The following PRSS57 variants were observed in gnomAD, a reference collection of about 807,000 sequenced individuals.
PRSS57 encodes neutrophil serine protease 4.
A neutral mutation model predicts 20.6 loss-of-function variants in PRSS57; 19 were observed. The ratio of observed to expected loss-of-function variants is 0.92; its 90% CI spans 0.64 to 1.35. The LOEUF is 1.35. PRSS57 is among the 40% of genes most tolerant of loss of function. PRSS57 has a pLI of 0.00. For synonymous variants in PRSS57, 203 were observed against 176.6 expected (o/e 1.15, Z -1.19); for missense variants, 440 against 403.7 (o/e 1.09, Z -0.77).
At chr19:685,985 G>A (rs62131270) in intron 4 of PRSS57, 63 bp from the exon 5 acceptor site, 44 of 1,372,570 alleles carry the variant, frequency 3.2e-5, no homozygotes, top group African/African-American at 1.9e-4. Context: ...ATCTCACCAC[G>A]GCCCTCCCTG....
Position 686,859 on chromosome 19 carries a change from C to T in PRSS57, c.642+66G>A. 2.6e-6 allele frequency: 4 copies of T among 1,554,136 alleles called. No homozygotes were observed. The South Asian group carries it at 3.6e-5, about 14-fold the overall frequency. On this transcript the variant is annotated intron_variant, in intron 4 of 4. Transcript: ENST00000329267. ...TCAGTTCCCAAGGCCCTTCCTGGCC[C>T]TGACCCTCTCTGTGGGCCTTGGTTT... is the stretch of plus-strand genomic sequence containing the variant.
intron 2 of PRSS57, among the ~76,000 whole-genome samples, chr19:693,382 C>T (rs546251675): frequency 2.6e-5 from 4 of 151,870 alleles, no homozygotes; most frequent in East Asian, 1.9e-4. Flanking sequence ...AGCACAGCTC[C>T]GGTGCGGAGG....
intron 3 of PRSS57, among the ~76,000 whole-genome samples, chr19:688,103 A>C (rs2031528258): frequency 6.6e-6 from 1 of 152,194 alleles, no homozygotes; most frequent in South Asian, 2.1e-4. Flanking sequence ...TGGCCCTGGC[A>C]ATTGGCACAC....
At chr19:694,604 T>C (rs182836564) in intron 2 of PRSS57, among the ~76,000 whole-genome samples, 1 of 148,442 alleles carries the variant, frequency 6.7e-6, no homozygotes, top group Middle Eastern at 3.5e-3. Flanking sequence ...TAACAGAATA[T>C]GTACTTGTTG....
intron 3 of PRSS57, among the ~76,000 whole-genome samples, chr19:687,964 T>C (rs2031525363): frequency 6.6e-6 from 1 of 152,190 alleles, no homozygotes; most frequent in South Asian, 2.1e-4. Flanking sequence ...TTCCAGGAAG[T>C]CTTCCCAGAC....
chr19:688,518 G>A (rs569094226), intron 3 of PRSS57, among the ~76,000 whole-genome samples: 6 of 149,156 alleles, frequency 4.0e-5, no homozygotes, highest in Non-Finnish European at 4.4e-5. Flanking sequence ...GTCGTCCCTC[G>A]AGCAGGAGGG....
At chr19:687,262 A>C in intron 3 of PRSS57, 74 bp from the exon 4 acceptor site, 1 of 1,417,722 alleles carries the variant, frequency 7.1e-7, no homozygotes, top group Non-Finnish European at 9.3e-7. Flanking sequence ...TATCCATGGG[A>C]CCCCTGGTCC....
At chr19:694,004 T>C (rs1267300008) in intron 2 of PRSS57, among the ~76,000 whole-genome samples, 2 of 152,108 alleles carry the variant, frequency 1.3e-5, no homozygotes, top group Admixed American at 6.6e-5. Context: ...CCTCCCAAAG[T>C]GCTGGGATTA....
chr19:685,831 T>C lies in PRSS57; in HGVS notation c.734A>G (p.Asp245Gly). The C allele has an allele frequency of 6.4e-7, 1 of 1,562,758 alleles. No individual in the cohort carries two copies. Among genetic ancestry groups the C allele is most frequent in the Non-Finnish European group, 8.7e-7 (1 of 1,153,890 alleles). ...AAAGGCGGACACCTGCGTGTACACG[T>C]CGGGGGTCTTGGGGTCGCCGCACCA... ...GLWCGDPKTP[D>G]VYTQVSAFVA... is the part of the protein sequence containing the mutation. Residue 245 changes from aspartate to glycine, a missense_variant, in exon 5 of 5, where the codon GAC (aspartate) becomes GGC (glycine). Asp to Gly is a moderately conservative substitution (Grantham distance 94, BLOSUM62 -1). Coordinates refer to ENST00000329267, the MANE Select transcript of PRSS57 (RefSeq NM_001308209.2).
chr19:690,908 G>A (rs1212404443), intron 3 of PRSS57: 11 of 431,740 alleles, frequency 2.5e-5, no homozygotes, highest in Non-Finnish European at 4.4e-5. Flanking sequence ...CGTGTCCGGG[G>A]CGCTGGCATC....
At chr19:695,121 G>GC (rs2031754650) in intron 1 of PRSS57, 154 bp from the exon 2 acceptor site, 3 of 772,368 alleles carry the variant, frequency 3.9e-6, no homozygotes, top group Non-Finnish European at 3.7e-6. Context: ...GCCCAGACAA[G>GC]CCCCCCAGAT....
intron 3 of PRSS57, among the ~76,000 whole-genome samples, chr19:691,534 A>AGAAAG (rs1568209230): frequency 6.7e-6 from 1 of 149,944 alleles, no homozygotes. Flanking sequence ...AGAAAAGAAA[A>AGAAAG]GTAGGCCGGG....
intron 2 of PRSS57, 41 bp from the exon 3 acceptor site, chr19:692,043 G>A: frequency 7.8e-7 from 1 of 1,282,146 alleles, no homozygotes; most frequent in Non-Finnish European, 9.9e-7. Context: ...GGTGAGGGCT[G>A]CCCGTCCTGG....
At chr19:695,201 A>T (rs979145961) in intron 1 of PRSS57, 151 bp downstream of exon 1, 29 of 485,256 alleles carry the variant, frequency 6.0e-5, no homozygotes, top group Non-Finnish European at 9.0e-5. Flanking sequence ...CCGGATTTCC[A>T]TCCATTTCCA....
At chr19:690,471 C>G (rs1410060080) in intron 3 of PRSS57, 1 of 186,188 alleles carries the variant, frequency 5.4e-6, no homozygotes, top group Non-Finnish European at 1.1e-5. Flanking sequence ...AGAGGCAAGA[C>G]AGAGGATAAG....
intron 2 of PRSS57, 55 bp downstream of exon 2, chr19:694,759 C>A: frequency 6.5e-7 from 1 of 1,536,710 alleles, no homozygotes; most frequent in Non-Finnish European, 8.8e-7. Flanking sequence ...GCCTGGAGTC[C>A]CCCTCATGTC....
intron 2 of PRSS57, among the ~76,000 whole-genome samples, chr19:692,823 A>T (rs1348947642): frequency 6.6e-6 from 1 of 152,082 alleles, no homozygotes; most frequent in Non-Finnish European, 1.5e-5. Context: ...AATCATTATT[A>T]TAAAAACATA....
chr19:690,047 C>A (rs768156355), intron 3 of PRSS57, among the ~76,000 whole-genome samples: 1 of 148,654 alleles, frequency 6.7e-6, no homozygotes, highest in Non-Finnish European at 1.5e-5. Context: ...AGTGAGACTC[C>A]GTCTCAAAAA....
intron 3 of PRSS57, chr19:691,117 G>T (rs935084419): frequency 1.3e-5 from 3 of 226,966 alleles, no homozygotes; most frequent in Non-Finnish European, 2.7e-5. Flanking sequence ...GCCATCTTGT[G>T]AAGACTCACA....
Sources: allele counts gnomAD v4.1 joint callset (sites outside exome capture counted in the v4.1 genomes callset), GRCh38; gene constraint gnomAD v4.1.1; transcripts MANE v1.5; gene names NCBI Gene and HGNC (gene_info 2026-07-23, HGNC 2026-07-21).